PPP1R12A: variants seen among roughly 807,000 people sequenced by gnomAD.
PPP1R12A encodes the protein myosin binding subunit.
A neutral mutation model predicts 139.6 loss-of-function variants in PPP1R12A; 19 were observed. The observed-to-expected ratio is 0.14, with a 90% CI of 0.09 to 0.20. The LOEUF is 0.20. Ranked by LOEUF, PPP1R12A falls within the 10% of genes least tolerant of loss-of-function variation. PPP1R12A has a pLI of 1.00. For synonymous variants in PPP1R12A, 427 were observed against 420.6 expected (o/e 1.02, Z -0.19); for missense variants, 925 against 1,211.5 (o/e 0.76, Z 3.51).
intron 1 of PPP1R12A, among the ~76,000 whole-genome samples, chr12:79,921,829 A>C (rs772897011): frequency 3.9e-5 from 6 of 152,268 alleles, no homozygotes; most frequent in Non-Finnish European, 7.3e-5. Flanking sequence ...CAAACATTAG[A>C]ACTAAACCTT....
chr12:79,928,208 TCA>T (rs1887990674), intron 1 of PPP1R12A, among the ~76,000 whole-genome samples: 1 of 152,226 alleles, frequency 6.6e-6, no homozygotes, highest in African/African-American at 2.4e-5. Context: ...TAGAAAATGC[TCA>T]GTCACAGCTT....
intron 9 of PPP1R12A, among the ~76,000 whole-genome samples, chr12:79,816,712 A>T (rs1875436398): frequency 6.6e-6 from 1 of 152,136 alleles, no homozygotes; most frequent in Admixed American, 6.5e-5. Context: ...TTGAAAACAC[A>T]CTCAGTTTAC....
In PPP1R12A at chr12:79,872,973, T is replaced by A. The variant is rs925258646; in HGVS notation, c.238-35A>T. The A allele has an allele frequency of 3.1e-6, 5 of 1,590,424 alleles. No individual in the cohort carries two copies. The African/African-American group carries it at 6.7e-5, about 21-fold the overall frequency. On this transcript the variant is annotated intron_variant, in intron 1 of 24. Transcript: ENST00000450142. ...AAACAGAAAGCAAGATTGGAAAAAA[T>A]ACGAATTAACACTCCAAATAATACA... is the stretch of plus-strand genomic sequence containing the variant.
At chr12:79,862,090 T>A (rs561993171) in intron 2 of PPP1R12A, among the ~76,000 whole-genome samples, 1 of 151,746 alleles carries the variant, frequency 6.6e-6, no homozygotes, top group African/African-American at 2.4e-5. Context: ...TACAGGGGGG[T>A]GCCCTTCTAG....
intron 5 of PPP1R12A, among the ~76,000 whole-genome samples, chr12:79,826,039 C>T (rs1002318199): frequency 5.3e-5 from 8 of 151,588 alleles, no homozygotes; most frequent in African/African-American, 1.9e-4. Flanking sequence ...TCTTTAAAAT[C>T]TTGATTTTTA....
chr12:79,842,819 T>A (rs1878901142), intron 3 of PPP1R12A, among the ~76,000 whole-genome samples: 1 of 152,092 alleles, frequency 6.6e-6, no homozygotes. Flanking sequence ...TCCTCCCCCC[T>A]TAGCTGGGAT....
At chr12:79,804,653 A>G (rs1481101151) in intron 14 of PPP1R12A, among the ~76,000 whole-genome samples, 1 of 152,100 alleles carries the variant, frequency 6.6e-6, no homozygotes, top group East Asian at 1.9e-4. Flanking sequence ...AGTAAAAAAA[A>G]AAATTAGTTA....
At chr12:79,851,749 CAG>C (rs1880063525) in intron 2 of PPP1R12A, among the ~76,000 whole-genome samples, 1 of 152,164 alleles carries the variant, frequency 6.6e-6, no homozygotes, top group Admixed American at 6.5e-5. Flanking sequence ...TCCACTTCTT[CAG>C]AGAGATCTGA....
intron 2 of PPP1R12A, among the ~76,000 whole-genome samples, chr12:79,857,982 T>C (rs1011182206): frequency 1.3e-5 from 2 of 152,220 alleles, no homozygotes; most frequent in African/African-American, 4.8e-5. Flanking sequence ...ATGTATCTCA[T>C]TATTAGTATA....
At chr12:79,780,310 GAAT>G (rs1003253278) in intron 23 of PPP1R12A, 2 of 151,866 alleles carry the variant, frequency 1.3e-5, no homozygotes, top group Non-Finnish European at 2.9e-5. Context: ...GATATACAGA[GAAT>G]GATGAATAAA....
intron 3 of PPP1R12A, among the ~76,000 whole-genome samples, chr12:79,841,626 T>C (rs1174911072): frequency 6.6e-6 from 1 of 152,204 alleles, no homozygotes; most frequent in East Asian, 1.9e-4. Context: ...TACAACTCCA[T>C]GCCTTTTCTA....
chr12:79,832,341 TC>T lies in PPP1R12A; in HGVS notation c.637del (p.Glu213LysfsTer3). The T allele has an allele frequency of 6.2e-7, 1 of 1,602,292 alleles. No homozygotes were observed. The highest frequency in any genetic ancestry group is 8.5e-7 in the Non-Finnish European group (1 of 1,176,448). On this transcript the variant is annotated frameshift_variant, in exon 4 of 25. Coordinates refer to ENST00000450142, the MANE Select transcript of PPP1R12A (RefSeq NM_002480.3). LOFTEE classifies it high-confidence loss of function. ...AAAAAACAATACTTACTTTAAAACT[TC>T]CGTATAGCCTTTAGCAGCTGCAACG... ...LHVAAAKGYT[E>X]VLKLLIQAGY...
chr12:79,895,465 T>C (rs1273882506), intron 1 of PPP1R12A, among the ~76,000 whole-genome samples: 1 of 152,202 alleles, frequency 6.6e-6, no homozygotes, highest in Non-Finnish European at 1.5e-5. Context: ...CTGTATGATG[T>C]AATTTTTAAG....
In PPP1R12A at chr12:79,899,462, C is replaced by T. The variant is rs545734908; in HGVS notation, c.238-26524G>A. ...CAATAAATGAGTGGCCATTCTAAAA[C>T]TTCATGTAAATGGAATCTTAGAACG... On this transcript the variant is annotated intron_variant, in intron 1 of 24. Transcript: ENST00000450142. 2.6e-5 allele frequency among the ~76,000 whole-genome samples: 4 copies of T among 152,052 alleles called. No homozygotes were observed. The East Asian group carries it at 7.7e-4, about 29-fold the overall frequency.
At chr12:79,857,638 T>G (rs1299569622) in intron 2 of PPP1R12A, among the ~76,000 whole-genome samples, 1 of 152,118 alleles carries the variant, frequency 6.6e-6, no homozygotes, top group Non-Finnish European at 1.5e-5. Context: ...CTCCAGAATC[T>G]TTCTTTAATT....
At chr12:79,911,399 A>G (rs1159142672) in intron 1 of PPP1R12A, among the ~76,000 whole-genome samples, 1 of 152,154 alleles carries the variant, frequency 6.6e-6, no homozygotes, top group Non-Finnish European at 1.5e-5. Context: ...AACAACAAAA[A>G]CACATGGATA....
At chr12:79,853,264 GCTTT>G (rs1880266784) in intron 2 of PPP1R12A, among the ~76,000 whole-genome samples, 1 of 152,110 alleles carries the variant, frequency 6.6e-6, no homozygotes, top group African/African-American at 2.4e-5. Flanking sequence ...TTTTGCTGGC[GCTTT>G]CTTTGTCTGT....
intron 14 of PPP1R12A, among the ~76,000 whole-genome samples, chr12:79,801,345 CAAAAAAAAAAAAAAAAAAAA>C (rs201977462): frequency 0.04 from 802 of 20,154 alleles, 11 homozygotes; most frequent in African/African-American, 0.083. Context: ...AACTCTGTCT[CAAAAAAAAAAAAAAAAAAAA>C]AAAAAAAAAA....
At chr12:79,824,665 T>TA (rs1020477200) in intron 5 of PPP1R12A, among the ~76,000 whole-genome samples, 133 of 152,308 alleles carry the variant, frequency 8.7e-4, no homozygotes, top group African/African-American at 3.2e-3. Flanking sequence ...GCAGCACAGT[T>TA]ATAAAGCTAA....
Sources: allele counts gnomAD v4.1 joint callset (sites outside exome capture counted in the v4.1 genomes callset), GRCh38; gene constraint gnomAD v4.1.1; transcripts MANE v1.5; gene names NCBI Gene and HGNC (gene_info 2026-07-23, HGNC 2026-07-21).